The following CCDC85A variants were observed in gnomAD, a reference collection of about 807,000 sequenced individuals.
The protein encoded by CCDC85A is coiled-coil domain containing 85A.
In CCDC85A, 38 loss-of-function variants were observed where a neutral mutation model predicts 50.2. The observed-to-expected ratio is 0.76, with a 90% CI of 0.58 to 0.99. CCDC85A has a LOEUF of 0.99. Ranked by LOEUF, CCDC85A falls within the 50% of genes least tolerant of loss-of-function variation. The pLI is 0.00. For missense variants in CCDC85A, 820 were observed against 742.0 expected (o/e 1.11, Z -1.22); for synonymous variants, 366 against 301.4 (o/e 1.21, Z -2.22).
intron 2 of CCDC85A, among the ~76,000 whole-genome samples, chr2:56,251,569 G>A (rs1422454226): frequency 6.6e-6 from 1 of 151,698 alleles, no homozygotes; most frequent in African/African-American, 2.4e-5. Flanking sequence ...ACCTCCCTTG[G>A]TCTGTGTTGG....
rs1048426417 is a variant in CCDC85A, at chr2:56,289,448, G to A, written c.1241-53431G>A. Among the ~76,000 whole-genome samples the A allele has an allele frequency of 3.9e-5, 6 of 152,164 alleles. No individual in the cohort carries two copies. In the East Asian group the frequency reaches 9.6e-4, roughly 24 times the overall value. On this transcript the variant is annotated intron_variant, in intron 2 of 5. Coordinates refer to ENST00000407595, the MANE Select transcript of CCDC85A (RefSeq NM_001080433.2). ...AAGGCATCTGAGCCAAGTCTTGAAA[G>A]TTGAGTAGGATTTCATTGGGCAAAG... is the stretch of plus-strand genomic sequence containing the variant.
intron 2 of CCDC85A, among the ~76,000 whole-genome samples, chr2:56,299,001 G>A (rs1158997621): frequency 2.0e-5 from 3 of 152,154 alleles, no homozygotes; most frequent in Non-Finnish European, 2.9e-5. Context: ...GGGACACACA[G>A]GGTAGCAAAT....
At chr2:56,346,156 C>T (rs982006804) in intron 3 of CCDC85A, among the ~76,000 whole-genome samples, 1 of 152,160 alleles carries the variant, frequency 6.6e-6, no homozygotes, top group Non-Finnish European at 1.5e-5. Context: ...CCTTTTTATT[C>T]TTTATATAAA....
At chr2:56,323,637 A>G (rs1266982846) in intron 2 of CCDC85A, among the ~76,000 whole-genome samples, 1 of 152,088 alleles carries the variant, frequency 6.6e-6, no homozygotes, top group Non-Finnish European at 1.5e-5. Flanking sequence ...TTTATCAAAT[A>G]CACAATCATG....
rs139228080 is a variant in CCDC85A at position 56,339,862 on chromosome 2, A to G, written c.1241-3017A>G. On this transcript the variant is annotated intron_variant, in intron 2 of 5. Coordinates refer to ENST00000407595, the MANE Select transcript of CCDC85A (RefSeq NM_001080433.2). The stretch of plus-strand genomic sequence containing the variant: ...TCATTTGCAAGAGTAAAGCAGACTC[A>G]TGAAATCAATAACTTTGCTATTCAT... Among the ~76,000 whole-genome samples, 172 of 152,318 alleles carry G rather than the reference A, an allele frequency of 1.1e-3. 1 individual carries two copies. Among genetic ancestry groups the G allele is most frequent in the African/African-American group, 3.8e-3 (157 of 41,562 alleles).
At chr2:56,335,389 A>G (rs944348051) in intron 2 of CCDC85A, among the ~76,000 whole-genome samples, 3 of 152,254 alleles carry the variant, frequency 2.0e-5, no homozygotes, top group South Asian at 2.1e-4. Flanking sequence ...GCATGTGGCT[A>G]TTGGCCTCTT....
rs1675879655 is a variant in CCDC85A at position 56,184,099 on chromosome 2, G to T, written c.-526G>T. ...GCAGCAGCCTTCGGGCAGCCGCGGCGGCGTCGCTAGAGCAGCCGGGGAGGC... is the reference window on the plus strand; with the variant it reads ...GCAGCAGCCTTCGGGCAGCCGCGGCTGCGTCGCTAGAGCAGCCGGGGAGGC... On this transcript the variant is annotated 5_prime_UTR_variant, in exon 1 of 6. Coordinates refer to ENST00000407595, the MANE Select transcript of CCDC85A (RefSeq NM_001080433.2). 2 of 985,288 alleles carry T rather than the reference G, an allele frequency of 2.0e-6. No homozygotes were observed. Among genetic ancestry groups the T allele is most frequent in the Non-Finnish European group, 2.4e-6 (2 of 830,070 alleles). 61.0% of individuals were successfully genotyped at this position (985,288 alleles called of 1,614,324 possible). A position where few individuals can be genotyped will look rare whatever the true frequency, so the allele number is the denominator to read the frequency against.
intron 2 of CCDC85A, among the ~76,000 whole-genome samples, chr2:56,198,016 T>G (rs1216532683): frequency 3.3e-5 from 3 of 90,604 alleles, no homozygotes; most frequent in East Asian, 6.5e-4. Context: ...AATATTGCAT[T>G]TCAAATCTCC....
chr2:56,296,600 C>T (rs1671959515), intron 2 of CCDC85A, among the ~76,000 whole-genome samples: 1 of 151,996 alleles, frequency 6.6e-6, no homozygotes, highest in African/African-American at 2.4e-5. Context: ...CTTAAGCAGG[C>T]ATTATTCAGA....
At chr2:56,219,456 T>C (rs1668226232) in intron 2 of CCDC85A, among the ~76,000 whole-genome samples, 1 of 151,730 alleles carries the variant, frequency 6.6e-6, no homozygotes, top group African/African-American at 2.4e-5. Context: ...CCATTTTAAG[T>C]GTCTAGGCTC....
intron 1 of CCDC85A, among the ~76,000 whole-genome samples, chr2:56,188,806 G>C (rs933873864): frequency 6.6e-6 from 1 of 152,208 alleles, no homozygotes; most frequent in African/African-American, 2.4e-5. Flanking sequence ...CCAGAGGCCT[G>C]GAGCTTTATA....
At chr2:56,325,706 G>A (rs954709265) in intron 2 of CCDC85A, among the ~76,000 whole-genome samples, 1 of 152,054 alleles carries the variant, frequency 6.6e-6, no homozygotes, top group Admixed American at 6.6e-5. Context: ...CTGTGTGTGT[G>A]TCATTGTCTT....
chr2:56,352,418 TC>T (rs1247429067), intron 3 of CCDC85A, among the ~76,000 whole-genome samples: 1 of 152,172 alleles, frequency 6.6e-6, no homozygotes, highest in East Asian at 1.9e-4. Flanking sequence ...TGATCGCGGC[TC>T]ACTGCAATCT....
At chr2:56,252,267 C>T (rs1041573353) in intron 2 of CCDC85A, among the ~76,000 whole-genome samples, 1 of 151,974 alleles carries the variant, frequency 6.6e-6, no homozygotes, top group African/African-American at 2.4e-5. Flanking sequence ...AGGCTGGTAT[C>T]GAATACCTGA....
chr2:56,324,774 AG>A (rs1673382662), intron 2 of CCDC85A, among the ~76,000 whole-genome samples: 1 of 151,988 alleles, frequency 6.6e-6, no homozygotes, highest in Non-Finnish European at 1.5e-5. Flanking sequence ...AAATACTCCA[AG>A]GTAGTATTTT....
intron 3 of CCDC85A, among the ~76,000 whole-genome samples, chr2:56,355,177 A>G (rs1675160489): frequency 6.6e-6 from 1 of 152,112 alleles, no homozygotes; most frequent in Non-Finnish European, 1.5e-5. Flanking sequence ...GGAGCTCCCG[A>G]GTTTTCCAAT....
chr2:56,237,519 T>A (rs1375084335), intron 2 of CCDC85A, among the ~76,000 whole-genome samples: 1 of 152,248 alleles, frequency 6.6e-6, no homozygotes, highest in Non-Finnish European at 1.5e-5. Context: ...AAGCCCTTTG[T>A]TAAGCAGCTT....
intron 2 of CCDC85A, among the ~76,000 whole-genome samples, chr2:56,330,269 A>G (rs917528486): frequency 1.3e-5 from 2 of 152,222 alleles, no homozygotes; most frequent in Non-Finnish European, 2.9e-5. Flanking sequence ...CTGTCGCCCA[A>G]TTTATTGCCA....
At position 56,268,213 on chromosome 2, in the gene CCDC85A, G is replaced by A. The variant is rs576438549; in HGVS notation, c.1241-74666G>A. Among the ~76,000 whole-genome samples, 55 of 152,230 alleles carry A rather than the reference G, an allele frequency of 3.6e-4. 2 individuals are homozygous for A. In the South Asian group the frequency reaches 9.3e-3, roughly 26 times the overall value. On this transcript the variant is annotated intron_variant, in intron 2 of 5. Coordinates refer to ENST00000407595, the MANE Select transcript of CCDC85A (RefSeq NM_001080433.2). ...AGGAATAAGAATCAATTATCTTATGGAACATTGAAGACAAGAATCTATAAG... is the reference window on the plus strand; with the variant it reads ...AGGAATAAGAATCAATTATCTTATGAAACATTGAAGACAAGAATCTATAAG...
Sources: allele counts gnomAD v4.1 joint callset (sites outside exome capture counted in the v4.1 genomes callset), GRCh38; gene constraint gnomAD v4.1.1; transcripts MANE v1.5; gene names NCBI Gene and HGNC (gene_info 2026-07-23, HGNC 2026-07-21).